Variants in ZNF804A observed in about 807,000 individuals in gnomAD.
The protein encoded by ZNF804A is zinc finger protein 804A.
ZNF804A carries 2 observed loss-of-function variants against 16.5 expected under a neutral mutation model. The ratio of observed to expected loss-of-function variants is 0.12; its 90% CI spans 0.05 to 0.38. The LOEUF is 0.38. Ranked by LOEUF, ZNF804A falls within the 10% of genes least tolerant of loss-of-function variation. ZNF804A has a pLI of 0.99. For synonymous variants in ZNF804A, 534 were observed against 489.6 expected, an observed-to-expected ratio of 1.09 and a Z score of -1.20; for missense variants, 1,473 against 1,390.7, an observed-to-expected ratio of 1.06 and a Z score of -0.94.
At chr2:184,894,742 G>A (rs1685038699) in intron 2 of ZNF804A, among the ~76,000 whole-genome samples, 1 of 152,038 alleles carries the variant, frequency 6.6e-6, no homozygotes, top group Non-Finnish European at 1.5e-5. Context: ...CTGGAGTTCA[G>A]TGGCGAGATC....
intron 2 of ZNF804A, among the ~76,000 whole-genome samples, chr2:184,881,862 C>G (rs1183852668): frequency 1.3e-4 from 20 of 151,946 alleles, no homozygotes. Flanking sequence ...AGAACAGTAA[C>G]CCTGCAAAGT....
chr2:184,805,242 T>G (rs776763423), intron 1 of ZNF804A, among the ~76,000 whole-genome samples: 1 of 152,170 alleles, frequency 6.6e-6, no homozygotes, highest in Non-Finnish European at 1.5e-5. Flanking sequence ...ATAGTAGAAA[T>G]GAAAGCAAAC....
chr2:184,712,447 C>G (rs1693145079), intron 1 of ZNF804A, among the ~76,000 whole-genome samples: 1 of 151,624 alleles, frequency 6.6e-6, no homozygotes, highest in Admixed American at 6.6e-5. Flanking sequence ...TCGATGCTTT[C>G]AAAATTATCT....
chr2:184,615,790 G>A (rs540388943), intron 1 of ZNF804A, among the ~76,000 whole-genome samples: 3 of 152,276 alleles, frequency 2.0e-5, no homozygotes, highest in African/African-American at 7.2e-5. Context: ...TCAGAGGTAG[G>A]ATGGCACAAA....
At chr2:184,891,922 G>A (rs923590705) in intron 2 of ZNF804A, among the ~76,000 whole-genome samples, 3 of 152,052 alleles carry the variant, frequency 2.0e-5, no homozygotes, top group African/African-American at 7.2e-5. Flanking sequence ...AAAAAATTAC[G>A]TGATATCAAT....
chr2:184,687,361 G>C (rs1337773935), intron 1 of ZNF804A, among the ~76,000 whole-genome samples: 1 of 152,164 alleles, frequency 6.6e-6, no homozygotes, highest in Non-Finnish European at 1.5e-5. Context: ...AGATGTCAAA[G>C]ATCAGTACCA....
At chr2:184,874,269 A>C (rs1487406602) in intron 2 of ZNF804A, among the ~76,000 whole-genome samples, 1 of 152,150 alleles carries the variant, frequency 6.6e-6, no homozygotes, top group Non-Finnish European at 1.5e-5. Context: ...GGGATACCAT[A>C]GGAGACGTAA....
chr2:184,925,624 C>T (rs1685597999), intron 2 of ZNF804A, among the ~76,000 whole-genome samples: 1 of 151,812 alleles, frequency 6.6e-6, no homozygotes. Flanking sequence ...TTTCTTCTTT[C>T]TTTCCTTCCT....
At chr2:184,842,782 A>T (rs145645583) in intron 1 of ZNF804A, among the ~76,000 whole-genome samples, 2 of 152,180 alleles carry the variant, frequency 1.3e-5, no homozygotes, top group Non-Finnish European at 2.9e-5. Flanking sequence ...GATAGAAAAA[A>T]TAAATAAATA....
intron 2 of ZNF804A, among the ~76,000 whole-genome samples, chr2:184,916,545 T>C (rs1054442535): frequency 1.3e-5 from 2 of 152,132 alleles, no homozygotes; most frequent in Non-Finnish European, 2.9e-5. Flanking sequence ...AAGAGAAATT[T>C]CAAAGTTGAC....
chr2:184,647,118 T>G (rs1260609939), intron 1 of ZNF804A, among the ~76,000 whole-genome samples: 1 of 152,126 alleles, frequency 6.6e-6, no homozygotes, highest in Non-Finnish European at 1.5e-5. Flanking sequence ...ATGCATAGGT[T>G]TATAGAAGTT....
intron 1 of ZNF804A, among the ~76,000 whole-genome samples, chr2:184,744,086 C>T (rs1402420613): frequency 6.6e-6 from 1 of 151,886 alleles, no homozygotes; most frequent in African/African-American, 2.4e-5. Flanking sequence ...GCACAAATAA[C>T]ACAGGAAGTG....
intron 1 of ZNF804A, among the ~76,000 whole-genome samples, chr2:184,861,141 G>GT (rs1436823963): frequency 9.2e-5 from 14 of 152,312 alleles, no homozygotes; most frequent in African/African-American, 3.1e-4. Context: ...CCCAGCATTA[G>GT]TTTTTTGGGG....
intron 1 of ZNF804A, among the ~76,000 whole-genome samples, chr2:184,631,498 A>G (rs1207679858): frequency 6.6e-6 from 1 of 152,170 alleles, no homozygotes; most frequent in East Asian, 1.9e-4. Flanking sequence ...GATTCTGCAT[A>G]TTTAATTAGG....
chr2:184,613,810 C>T lies in ZNF804A; in HGVS notation c.111+14740C>T, dbSNP rs1206449513. 4.6e-5 allele frequency among the ~76,000 whole-genome samples: 7 copies of T among 152,216 alleles called. No individual in the cohort carries two copies. In the East Asian group the frequency reaches 9.6e-4, roughly 21 times the overall value. On this transcript the variant is annotated intron_variant, in intron 1 of 3. Coordinates refer to ENST00000302277, the MANE Select transcript of ZNF804A (RefSeq NM_194250.2). ...GGACACAAACAAATGGAAAAATATT[C>T]CATATTCATGGACAGGAAGAATCAA...
At chr2:184,887,991 C>A (rs920076050) in intron 2 of ZNF804A, among the ~76,000 whole-genome samples, 1 of 151,974 alleles carries the variant, frequency 6.6e-6, no homozygotes, top group Admixed American at 6.6e-5. Flanking sequence ...GTTGGGAGTA[C>A]GGTAACGGTT....
intron 1 of ZNF804A, among the ~76,000 whole-genome samples, chr2:184,761,626 TGGG>T (rs1218799381): frequency 6.6e-6 from 1 of 152,082 alleles, no homozygotes; most frequent in East Asian, 1.9e-4. Flanking sequence ...GCAATGGACT[TGGG>T]GGCCAAGTAG....
At chr2:184,852,027 C>G (rs1255521857) in intron 1 of ZNF804A, among the ~76,000 whole-genome samples, 2 of 151,494 alleles carry the variant, frequency 1.3e-5, no homozygotes, top group African/African-American at 4.8e-5. Flanking sequence ...CATTTTTAAT[C>G]AGGTTATTTG....
chr2:184,872,216 T>C (rs1054065387), intron 2 of ZNF804A, among the ~76,000 whole-genome samples: 2 of 152,150 alleles, frequency 1.3e-5, no homozygotes, highest in Non-Finnish European at 2.9e-5. Context: ...AGACAAAAGC[T>C]ATCTAACTTT....
Sources: gnomAD v4.1 joint callset for allele counts (sites outside exome capture counted in the v4.1 genomes callset) on GRCh38, gnomAD v4.1.1 for gene constraint, MANE v1.5 for transcripts, NCBI Gene and HGNC (gene_info 2026-07-23, HGNC 2026-07-21) for gene names.